ERCC8: variants seen among roughly 807,000 people sequenced by gnomAD.
ERCC8 encodes the protein DNA excision repair protein ERCC-8.
ERCC8 carries 52 observed loss-of-function variants against 54.9 expected under a neutral mutation model. That is an observed-to-expected ratio of 0.95 (90% CI 0.76 to 1.19). The LOEUF is 1.19. Among genes scored for constraint, ERCC8 ranks in the 50% most tolerant of loss-of-function variants. The pLI is 0.00. For synonymous variants in ERCC8, 146 were observed against 157.2 expected, an observed-to-expected ratio of 0.93 and a Z score of 0.53; for missense variants, 514 against 466.1, an observed-to-expected ratio of 1.10 and a Z score of -0.95.
chr5:60,921,066 G>C (rs989680059), intron 3 of ERCC8, among the ~76,000 whole-genome samples: 1 of 151,732 alleles, frequency 6.6e-6, no homozygotes, highest in African/African-American at 2.4e-5. Context: ...AGTGGTTTCG[G>C]TTTTCAACAC....
At chr5:60,918,483 A>G in intron 3 of ERCC8, 95 bp from the exon 4 acceptor site, 1 of 1,095,588 alleles carries the variant, frequency 9.1e-7, no homozygotes, top group Non-Finnish European at 1.4e-6. Context: ...AGGTAGGATG[A>G]TATGAATGGC....
rs373783755 is a variant in ERCC8 at position 60,904,854 on chromosome 5, A to C, written c.419T>G (p.Phe140Cys). The change falls in exon 5 of 12, where the codon TTT becomes TGT. Residue 140 changes from phenylalanine to cysteine, a missense_variant. Phe to Cys is a radical substitution (Grantham distance 205). Coordinates refer to ENST00000676185, the MANE Select transcript of ERCC8 (RefSeq NM_000082.4). ...NTLQTADVFNFEETVYSHHMS... is the reference protein window; with the variant it reads ...NTLQTADVFNCEETVYSHHMS... ...ATGATGACTATAAACTGTTTCCTCA[A>C]AATTAAATACATCTGCAGTCTGGTA... is the stretch of plus-strand genomic sequence containing the variant. 2.1e-5 allele frequency: 33 copies of C among 1,568,306 alleles called. No homozygotes were observed. The Middle Eastern group carries it at 5.0e-4, about 24-fold the overall frequency.
intron 11 of ERCC8, among the ~76,000 whole-genome samples, chr5:60,875,544 T>A (rs1208637580): frequency 6.6e-6 from 1 of 152,232 alleles, no homozygotes; most frequent in Non-Finnish European, 1.5e-5. Context: ...GGTCTCATTG[T>A]TAAAGTAATT....
At position 60,930,533 on chromosome 5, in the gene ERCC8, G is replaced by C. The variant is rs953889593; in HGVS notation, c.78-1574C>G. On this transcript the variant is annotated intron_variant, in intron 1 of 11. Transcript: ENST00000676185. ...GATCACACCACTGCACTCCAGCCTG[G>C]GTGATAAGAGCAAGACTCCGTCTAA... Among the ~76,000 whole-genome samples, 16 of 149,844 alleles carry C rather than the reference G, an allele frequency of 1.1e-4. No individual in the cohort carries two copies. In the Admixed American group the frequency reaches 1.1e-3, roughly 10 times the overall value.
chr5:60,926,716 T>A (rs905283944), intron 2 of ERCC8, among the ~76,000 whole-genome samples: 1 of 152,242 alleles, frequency 6.6e-6, no homozygotes, highest in East Asian at 1.9e-4. Context: ...AGTTGTGAGT[T>A]ACATGTATAC....
At chr5:60,918,429 T>C (rs1262601094) in intron 3 of ERCC8, 41 bp from the exon 4 acceptor site, 2 of 1,583,268 alleles carry the variant, frequency 1.3e-6, no homozygotes, top group Non-Finnish European at 1.7e-6. Context: ...CTGACTTATG[T>C]GAGTTTCAAA....
Position 60,908,579 on chromosome 5 carries a change from A to ATT in ERCC8, c.400-3707_400-3706insAA, listed in dbSNP as rs1382761575. 9.2e-3 allele frequency among the ~76,000 whole-genome samples: 841 copies of ATT among 91,726 alleles called. 11 individuals carry two copies. The highest frequency in any genetic ancestry group is 0.027 in the African/African-American group (769 of 28,802). 60.2% of individuals were successfully genotyped at this position (91,726 alleles called of 152,430 possible). A position where few individuals can be genotyped will look rare whatever the true frequency, so the allele number is the denominator to read the frequency against. ...CATATAAATACATATATATATATAT[A>ATT]TATATTTTTTTTTTAAATAATGGCT... On this transcript the variant is annotated intron_variant, in intron 4 of 11. Transcript: ENST00000676185.
rs1243226872 is a variant in ERCC8 at position 60,899,735 on chromosome 5, G to T, written c.618-8C>A. The T allele has an allele frequency of 5.0e-6, 8 of 1,590,720 alleles. No individual in the cohort carries two copies. The Admixed American group carries it at 1.2e-4, about 23-fold the overall frequency. On this transcript the variant is annotated splice_polypyrimidine_tract_variant and splice_region_variant and intron_variant, in intron 7 of 11. Transcript: ENST00000676185. ...TTTACTCTACTGTCAGCACTGAGAA[G>T]AAATAAATGTTACATTGACATATGT...
At chr5:60,923,774 A>T (rs1014327776) in intron 2 of ERCC8, among the ~76,000 whole-genome samples, 1 of 152,092 alleles carries the variant, frequency 6.6e-6, no homozygotes, top group Admixed American at 6.6e-5. Context: ...CAAAATATAC[A>T]TTTATCCCAA....
chr5:60,910,078 T>C (rs893141908), intron 4 of ERCC8: 2 of 152,194 alleles, frequency 1.3e-5, no homozygotes, highest in African/African-American at 4.8e-5. Context: ...ACTAGGCTAT[T>C]AGTAGTTAAG....
chr5:60,891,547 A>G (rs1748554766), intron 9 of ERCC8, among the ~76,000 whole-genome samples: 1 of 151,866 alleles, frequency 6.6e-6, no homozygotes, highest in African/African-American at 2.4e-5. Context: ...ATTATTTTCA[A>G]AAGACTACCC....
intron 1 of ERCC8, among the ~76,000 whole-genome samples, chr5:60,929,653 T>C (rs1348879815): frequency 2.6e-5 from 4 of 152,144 alleles, no homozygotes; most frequent in Non-Finnish European, 5.9e-5. Context: ...TAAATATCAA[T>C]ACAAATAATT....
chr5:60,903,178 A>C (rs745663396), intron 6 of ERCC8, among the ~76,000 whole-genome samples: 2 of 151,978 alleles, frequency 1.3e-5, no homozygotes, highest in Non-Finnish European at 2.9e-5. Context: ...ATTGTTTAGA[A>C]TTAGACAATC....
chr5:60,918,133 C>A (rs1240682674), intron 4 of ERCC8, 132 bp downstream of exon 4: 2 of 726,738 alleles, frequency 2.8e-6, no homozygotes, highest in Non-Finnish European at 4.8e-6. Flanking sequence ...AGTAGTCTAG[C>A]TCTTCTTAAC....
At chr5:60,880,630 G>C (rs1003298505) in intron 11 of ERCC8, among the ~76,000 whole-genome samples, 1 of 152,076 alleles carries the variant, frequency 6.6e-6, no homozygotes, top group African/African-American at 2.4e-5. Context: ...TTCCATCACT[G>C]ATACCCTTTC....
chr5:60,939,961 T>C (rs1290737855), intron 1 of ERCC8, among the ~76,000 whole-genome samples: 3 of 152,218 alleles, frequency 2.0e-5, no homozygotes, highest in African/African-American at 7.2e-5. Flanking sequence ...ATCAATCTTG[T>C]CTGGACTTCA....
chr5:60,910,687 G>A (rs940229621), intron 4 of ERCC8, among the ~76,000 whole-genome samples: 13 of 152,076 alleles, frequency 8.5e-5, no homozygotes, highest in Non-Finnish European at 1.6e-4. Flanking sequence ...ATAATCGCTT[G>A]TGTTTGGAAT....
intron 11 of ERCC8, among the ~76,000 whole-genome samples, chr5:60,876,146 T>A (rs1747998786): frequency 6.6e-6 from 1 of 152,158 alleles, no homozygotes; most frequent in Non-Finnish European, 1.5e-5. Context: ...TTTTTGTCCT[T>A]GCAATAGTTT....
intron 11 of ERCC8, among the ~76,000 whole-genome samples, chr5:60,880,005 G>T (rs1312147437): frequency 1.3e-5 from 2 of 152,080 alleles, no homozygotes; most frequent in Non-Finnish European, 2.9e-5. Flanking sequence ...GGCTGGTACC[G>T]GTTGTTCCTT....
Sources: gnomAD v4.1 joint callset for allele counts (sites outside exome capture counted in the v4.1 genomes callset) on GRCh38, gnomAD v4.1.1 for gene constraint, MANE v1.5 for transcripts, NCBI Gene and HGNC (gene_info 2026-07-23, HGNC 2026-07-21) for gene names.